The following CREBBP variants were observed in gnomAD, a reference collection of about 807,000 sequenced individuals.
CREBBP encodes the protein CREB binding lysine acetyltransferase.
A neutral mutation model predicts 265.0 loss-of-function variants in CREBBP; 19 were observed. The ratio of observed to expected loss-of-function variants is 0.07; its 90% confidence interval spans 0.05 to 0.11. The LOEUF is 0.11. CREBBP is among the 10% of genes least tolerant of loss of function. The pLI is 1.00. For missense variants in CREBBP, 2,525 were observed against 3,219.0 expected (o/e 0.78, Z 5.22); for synonymous variants, 1,457 against 1,223.7 (o/e 1.19, Z -3.98).
Position 3,815,589 on chromosome 16 carries a change from G to A in CREBBP, c.799-4810C>T, listed in dbSNP as rs139991344. 2.7e-4 allele frequency among the ~76,000 whole-genome samples: 38 copies of A among 138,980 alleles called. 1 individual carries two copies. Among genetic ancestry groups the A allele is most frequent in the Admixed American group, 8.0e-4 (11 of 13,696 alleles). 91.2% of individuals were successfully genotyped at this position (138,980 alleles called of 152,430 possible). ...TTGTAAAGCTGGCTTTATTTTCAAT[G>A]GAGGTTCATCAGGATTTGGTTTAAT... On this transcript the variant is annotated intron_variant, in intron 2 of 30. Coordinates refer to ENST00000262367, the MANE Select transcript of CREBBP (RefSeq NM_004380.3).
At chr16:3,868,092 G>A (rs1042209077) in intron 1 of CREBBP, among the ~76,000 whole-genome samples, 2 of 152,072 alleles carry the variant, frequency 1.3e-5, no homozygotes, top group African/African-American at 4.8e-5. Flanking sequence ...TATTTGCCTG[G>A]CTACGCACAG....
At chr16:3,777,864 C>A (rs1008892233) in intron 10 of CREBBP, 147 bp downstream of exon 10, 6 of 1,109,784 alleles carry the variant, frequency 5.4e-6, no homozygotes, top group Non-Finnish European at 8.2e-6. Flanking sequence ...CAGCCTGAGG[C>A]AGGTGGTCAG....
intron 1 of CREBBP, among the ~76,000 whole-genome samples, chr16:3,864,487 A>C (rs1050238256): frequency 6.6e-6 from 1 of 152,080 alleles, no homozygotes; most frequent in Non-Finnish European, 1.5e-5. Context: ...TCTACAAAAA[A>C]AAGTACAAAA....
chr16:3,758,816 C>A (rs1393990509), intron 17 of CREBBP, 38 bp downstream of exon 17: 1 of 1,476,986 alleles, frequency 6.8e-7, no homozygotes, highest in South Asian at 1.1e-5. Flanking sequence ...AGAAGTCACA[C>A]CAGCAAAGTT....
chr16:3,728,541 T>G lies in CREBBP; in HGVS notation c.6506A>C (p.Gln2169Pro). ...TCCTGGGTTCATGATGTTCAAGGCC[T>G]GGCCCTGGGGGTTCAGGCCTCCCAT... is the stretch of plus-strand genomic sequence containing the variant. The part of the protein sequence containing the change: ...QAMGGLNPQG[Q>P]ALNIMNPGHN... The change falls in exon 31 of 31, where the codon CAG becomes CCG. Residue 2169 changes from glutamine (Q) to proline (P), a missense_variant. By Grantham distance (76) the Gln-to-Pro change is moderately conservative (BLOSUM62 -1). This residue lies in a region of CREBBP where 473 missense variants were observed against 459.3 expected (regional missense o/e 1.03). Coordinates refer to ENST00000262367, the MANE Select transcript of CREBBP (RefSeq NM_004380.3). The surrounding 1 kb of genome is among the most constrained non-coding windows in gnomAD (Gnocchi z 8.7). 1 of 1,614,060 alleles carries G rather than the reference T, an allele frequency of 6.2e-7. No homozygotes were observed. The highest frequency in any genetic ancestry group is 8.5e-7 in the Non-Finnish European group (1 of 1,180,004).
chr16:3,880,483 T>TCCGCCGCCG lies in CREBBP; in HGVS notation c.-576_-568dup, dbSNP rs1167926630. The TCCGCCGCCG allele has an allele frequency of 3.0e-5, 4 of 135,256 alleles. No homozygotes were observed. Among genetic ancestry groups the TCCGCCGCCG allele is most frequent in the South Asian group, 2.0e-4 (1 of 4,926 alleles). 8.4% of individuals were successfully genotyped at this position (135,256 alleles called of 1,614,324 possible). A position where few individuals can be genotyped will look rare whatever the true frequency, so the allele number is the denominator to read the frequency against. Reference sequence around the variant, plus strand: ...CCGCCGCGGCCCCCCCACCCCCCGTTCCGCCGCCGCCGCCGCCGCTGCCGC... The same window carrying TCCGCCGCCG: ...CCGCCGCGGCCCCCCCACCCCCCGTTCCGCCGCCGCCGCCGCCGCCGCCGCCGCTGCCGC... On this transcript the variant is annotated 5_prime_UTR_variant, in exon 1 of 31. Coordinates refer to ENST00000262367, the MANE Select transcript of CREBBP (RefSeq NM_004380.3).
chr16:3,810,211 T>C (rs1327085306), intron 3 of CREBBP, among the ~76,000 whole-genome samples: 2 of 152,166 alleles, frequency 1.3e-5, no homozygotes, highest in African/African-American at 2.4e-5. Flanking sequence ...CTTTGGAAGA[T>C]AAATGTCCAT....
At chr16:3,797,876 T>C (rs1231325738) in intron 3 of CREBBP, among the ~76,000 whole-genome samples, 4 of 152,138 alleles carry the variant, frequency 2.6e-5, no homozygotes, top group Non-Finnish European at 4.4e-5. Context: ...AAAGCCTTCT[T>C]AACATAAACA....
At chr16:3,800,749 T>A (rs560646263) in intron 3 of CREBBP, among the ~76,000 whole-genome samples, 1 of 151,718 alleles carries the variant, frequency 6.6e-6, no homozygotes, top group Admixed American at 6.6e-5. Context: ...ATCAAAAACA[T>A]TGAGAAAAGA....
At chr16:3,797,259 T>C (rs1030813144) in intron 3 of CREBBP, among the ~76,000 whole-genome samples, 3 of 152,080 alleles carry the variant, frequency 2.0e-5, no homozygotes, top group African/African-American at 7.2e-5. Flanking sequence ...GCCAAGAAAA[T>C]TTTGAAAAAC....
intron 3 of CREBBP, among the ~76,000 whole-genome samples, chr16:3,800,936 C>T (rs2053700126): frequency 6.6e-6 from 1 of 152,190 alleles, no homozygotes; most frequent in Non-Finnish European, 1.5e-5. Context: ...AGACACAAGA[C>T]AAAACAAATC....
intron 2 of CREBBP, among the ~76,000 whole-genome samples, chr16:3,810,991 C>T (rs1010850065): frequency 4.6e-5 from 7 of 151,900 alleles, no homozygotes; most frequent in African/African-American, 1.2e-4. Flanking sequence ...CGCAAGTAGA[C>T]GAGCTGTTTC....
chr16:3,802,866 C>T (rs1022013994), intron 3 of CREBBP, among the ~76,000 whole-genome samples: 3 of 152,132 alleles, frequency 2.0e-5, no homozygotes, highest in African/African-American at 4.8e-5. Context: ...CTGACTCCTC[C>T]ACAACCTCCA....
intron 2 of CREBBP, among the ~76,000 whole-genome samples, chr16:3,818,427 C>T (rs954225397): frequency 2.0e-5 from 3 of 151,720 alleles, no homozygotes; most frequent in East Asian, 1.9e-4. Context: ...CCCGTCTCAG[C>T]CTCCTGAGTA....
intron 10 of CREBBP, 33 bp downstream of exon 10, chr16:3,777,978 C>T (rs772985605): frequency 1.9e-5 from 31 of 1,610,822 alleles, no homozygotes; most frequent in African/African-American, 2.7e-5. Flanking sequence ...AGGAAACAGG[C>T]TAAGGGATGG....
chr16:3,734,911 C>T (rs2052012774), intron 28 of CREBBP, among the ~76,000 whole-genome samples: 1 of 152,194 alleles, frequency 6.6e-6, no homozygotes. Flanking sequence ...TCCCGGCTGC[C>T]TCACCCATGG....
chr16:3,841,450 G>C (rs886685413), intron 2 of CREBBP, among the ~76,000 whole-genome samples: 1 of 151,900 alleles, frequency 6.6e-6, no homozygotes, highest in African/African-American at 2.4e-5. Flanking sequence ...ACAAATAAAG[G>C]TGTATATAAG....
In CREBBP at chr16:3,850,858, G is replaced by C. The variant is rs1334010583; in HGVS notation, c.237C>G (p.Gly79=). The change falls in exon 2 of 31, where the codon GGC becomes GGG. Residue 79 remains glycine (G), a synonymous_variant. Coordinates refer to ENST00000262367, the MANE Select transcript of CREBBP (RefSeq NM_004380.3). ...TTCCTATTCCTGGGTTGATACTAGA[G>C]CCGCTGCCTCCTCGTAGAAGCTCCG... ...QLSELLRGGS[G]SSINPGIGNV... 1 of 1,614,066 alleles carries C rather than the reference G, an allele frequency of 6.2e-7. No homozygotes were observed. The highest frequency in any genetic ancestry group is 8.5e-7 in the Non-Finnish European group (1 of 1,180,048).
At chr16:3,823,003 A>T (rs75653465) in intron 2 of CREBBP, among the ~76,000 whole-genome samples, 3,375 of 152,296 alleles carry the variant, frequency 0.022, 69 homozygotes, top group African/African-American at 0.053. Context: ...CTGATTACTG[A>T]CAGAGAAAAC....
Sources: gnomAD v4.1 joint callset for allele counts (sites outside exome capture counted in the v4.1 genomes callset) on GRCh38, gnomAD v4.1.1 for gene constraint, gnomAD v4.1.1 regional missense constraint, Gnocchi (gnomAD v3.1) non-coding constraint, MANE v1.5 for transcripts, NCBI Gene and HGNC (gene_info 2026-07-23, HGNC 2026-07-21) for gene names.